NKX3-2: variants seen among roughly 807,000 people sequenced by gnomAD.
NKX3-2 encodes the protein NK3 homeobox 2, also known as homeobox protein Nkx-3.2.
Under a neutral mutation model 19.4 loss-of-function variants are expected in NKX3-2, and 13 were observed. That is an observed-to-expected ratio of 0.67 (90% confidence interval 0.44 to 1.07). The LOEUF (loss-of-function observed/expected upper bound fraction) is 1.07, where lower values mean the gene tolerates loss of function less well. NKX3-2 is among the 50% of genes least tolerant of loss of function. The pLI, the probability that NKX3-2 is intolerant of heterozygous loss-of-function variation, is 0.00. For synonymous variants in NKX3-2, 269 were observed against 230.5 expected (o/e 1.17, Z -1.51); for missense variants, 562 against 488.2 (o/e 1.15, Z -1.42).
rs545267932 is a variant in NKX3-2 at position 13,544,490 on chromosome 4, C to T, written c.-76G>A. 3.5e-6 allele frequency: 4 copies of T among 1,128,028 alleles called. No homozygotes were observed. The highest frequency in any genetic ancestry group is 1.6e-5 in the African/African-American group (1 of 61,066). 69.9% of individuals were successfully genotyped at this position (1,128,028 alleles called of 1,614,324 possible). On this transcript the variant is annotated 5_prime_UTR_variant, in exon 1 of 2. Transcript: ENST00000382438. ...CAGCTCCGAGCGGGACAGAGAGCGC[C>T]GGCGGCCGCAGCGCGAGTGAGCTGG...
chr4:13,541,916 A>G lies in NKX3-2; in HGVS notation c.*77T>C. On this transcript the variant is annotated 3_prime_UTR_variant, in exon 2 of 2. Transcript: ENST00000382438. ...GCCTCCTTGGCGGGGCGCCCCGTGC[A>G]GGCTACAGCCTACAGCTGTCAGCGC... 7.2e-6 allele frequency: 11 copies of G among 1,534,006 alleles called. No homozygotes were observed. The highest frequency in any genetic ancestry group is 9.7e-6 in the Non-Finnish European group (11 of 1,137,466).
upstream of NKX3-2, chr4:13,547,024 A>G (rs1718146872): frequency 2.2e-6 from 1 of 456,196 alleles, no homozygotes; most frequent in African/African-American, 2.0e-5. Context: ...TTAGTCGATC[A>G]TTAGGTCTGT....
chr4:13,544,732 G>C (rs946656410), upstream of NKX3-2: 1 of 189,212 alleles, frequency 5.3e-6, no homozygotes, highest in Admixed American at 6.1e-5. Flanking sequence ...CTGCCCCCTC[G>C]GGGGACGTGA....
At chr4:13,544,971 C>T (rs915308930), upstream of NKX3-2, 7 of 152,190 alleles carry the variant, frequency 4.6e-5, no homozygotes, top group African/African-American at 1.4e-4. Flanking sequence ...GCGCGGGGAA[C>T]TTTTTTACCC....
upstream of NKX3-2, among the ~76,000 whole-genome samples, chr4:13,545,327 T>A (rs2109006565): frequency 6.6e-6 from 1 of 152,348 alleles, no homozygotes; most frequent in East Asian, 1.9e-4. Context: ...TCCAGCGCTT[T>A]AACAGAACAC....
rs754091130 is a variant in NKX3-2, at chr4:13,544,161, G to A, written c.254C>T (p.Ala85Val). ...CGAGTCCCAGCCTTCCGGGCTCTCC[G>A]CAGTCCGCCCCGCAGCTGTTCTGGT... The part of the protein sequence containing the change: ...AGTRTAAGRT[A>V]ESPEGWDSDS... Residue 85 changes from alanine (A) to valine (V), a missense_variant, in exon 1 of 2, where the codon GCG becomes GTG. Physicochemically the swap from Ala to Val is moderately conservative, Grantham distance 64 (BLOSUM62 0). Transcript: ENST00000382438. 5 of 1,605,548 alleles carry A rather than the reference G, an allele frequency of 3.1e-6. No homozygotes were observed. The highest frequency in any genetic ancestry group is 4.2e-6 in the Non-Finnish European group (5 of 1,178,890).
In NKX3-2 at chr4:13,543,888, TG is replaced by T; in HGVS notation, c.466+60del. Reference sequence around the variant, plus strand: ...CTCAAGCCGACCACCCCACTCGGCGTGGTTGCCCTCCGCGTCCATCCCCTCA... The same window carrying T: ...CTCAAGCCGACCACCCCACTCGGCGTGTTGCCCTCCGCGTCCATCCCCTCA... On this transcript the variant is annotated intron_variant, in intron 1 of 1. Coordinates refer to ENST00000382438, the MANE Select transcript of NKX3-2 (RefSeq NM_001189.4). The surrounding 1 kb of genome is among the most constrained non-coding windows in gnomAD (Gnocchi z 7.1). The T allele has an allele frequency of 1.4e-6, 2 of 1,401,812 alleles. No homozygotes were observed. Among genetic ancestry groups the T allele is most frequent in the African/African-American group, 3.0e-5 (2 of 66,714 alleles). The allele number at this position is 1,401,812 out of a possible 1,614,324, so 86.8% of individuals were successfully genotyped here. A position where few individuals can be genotyped will look rare whatever the true frequency, so the allele number is the denominator to read the frequency against.
At chr4:13,547,592 TTCC>T (rs1345118305), upstream of NKX3-2, 1 of 187,858 alleles carries the variant, frequency 5.3e-6, no homozygotes, top group Non-Finnish European at 1.1e-5. Flanking sequence ...CTTTGTCTTC[TTCC>T]TCCTCCCTCC....
At chr4:13,547,181 A>C (rs1287192554), upstream of NKX3-2, 1 of 456,214 alleles carries the variant, frequency 2.2e-6, no homozygotes, top group African/African-American at 2.0e-5. Flanking sequence ...GTATGCCCAG[A>C]GATATCCCGG....
Position 13,544,017 on chromosome 4 carries a change from G to T in NKX3-2, c.398C>A (p.Ala133Asp), listed in dbSNP as rs1351897433. 1 of 1,564,552 alleles carries T rather than the reference G, an allele frequency of 6.4e-7. No homozygotes were observed. The highest frequency in any genetic ancestry group is 8.6e-7 in the Non-Finnish European group (1 of 1,157,812). ...TTCCTCCTCTAGGTCTTTGGAAGCG[G>T]CCAGCTCACAGACCGGCTGGCCGAG... ...LSLGQPVCELAASKDLEEEAA... is the reference protein window; with the variant it reads ...LSLGQPVCELDASKDLEEEAA... Residue 133 changes from alanine (A) to aspartate (D), a missense_variant, in exon 1 of 2, where the codon GCC becomes GAC. Physicochemically the swap from Ala to Asp is moderately radical, Grantham distance 126. Coordinates refer to ENST00000382438, the MANE Select transcript of NKX3-2 (RefSeq NM_001189.4).
In NKX3-2 at chr4:13,542,020, G is replaced by A; in HGVS notation, c.975C>T (p.Thr325=). Residue 325 remains threonine (T), a synonymous_variant, in exon 2 of 2, where the codon ACC becomes ACT. Transcript: ENST00000382438. The surrounding 1 kb of genome is among the most constrained non-coding windows in gnomAD (Gnocchi z 6.4). The stretch of plus-strand genomic sequence containing the variant: ...ACTGGGTGCCTGCGGCAGCTGCGCA[G>A]GTGGAGAGCGCCCAGCCTGGGAGGC... The part of the protein sequence containing the change: ...YYCLPGWALS[T]CAAAAGTQ 6.3e-7 allele frequency: 1 copy of A among 1,595,452 alleles called. No individual in the cohort carries two copies. Among genetic ancestry groups the A allele is most frequent in the Non-Finnish European group, 8.5e-7 (1 of 1,171,750 alleles).
Position 13,542,446 on chromosome 4 carries a change from G to A in NKX3-2, c.549C>T (p.Gly183=), listed in dbSNP as rs762348863. Residue 183 remains glycine (G), a synonymous_variant, in exon 2 of 2, where the codon GGC becomes GGT. Coordinates refer to ENST00000382438, the MANE Select transcript of NKX3-2 (RefSeq NM_001189.4). The surrounding 1 kb of genome is among the most constrained non-coding windows in gnomAD (Gnocchi z 6.4). The part of the protein sequence containing the change: ...HVSALCSGAG[G]GGGSGPAGVA... ...CGCCTGCCGGCCCGCTGCCGCCCCC[G>A]CCGCCGGCCCCGCTGCACAGCGCGG... The A allele has an allele frequency of 1.9e-6, 3 of 1,570,238 alleles. No individual in the cohort carries two copies. The highest frequency in any genetic ancestry group is 1.4e-5 in the African/African-American group (1 of 73,432).
chr4:13,542,420 A>C lies in NKX3-2; in HGVS notation c.575T>G (p.Val192Gly). Reference sequence around the variant, plus strand: ...CGCCGGCTCCTCCTCCTCCTCCGCGACGCCTGCCGGCCCGCTGCCGCCCCC... The same window carrying C: ...CGCCGGCTCCTCCTCCTCCTCCGCGCCGCCTGCCGGCCCGCTGCCGCCCCC... ...GGGGGSGPAG[V>G]AEEEEEPAAP... is the part of the protein sequence containing the mutation. The change falls in exon 2 of 2, where the codon GTC becomes GGC. Residue 192 changes from valine (V) to glycine (G), a missense_variant. Coordinates refer to ENST00000382438, the MANE Select transcript of NKX3-2 (RefSeq NM_001189.4). The surrounding 1 kb of genome is among the most constrained non-coding windows in gnomAD (Gnocchi z 6.4). 2 of 1,533,596 alleles carry C rather than the reference A, an allele frequency of 1.3e-6. No individual in the cohort carries two copies. Among genetic ancestry groups the C allele is most frequent in the Non-Finnish European group, 1.7e-6 (2 of 1,146,782 alleles). 95.0% of individuals were successfully genotyped at this position (1,533,596 alleles called of 1,614,324 possible). A position where few individuals can be genotyped will look rare whatever the true frequency, so the allele number is the denominator to read the frequency against.
At position 13,542,024 on chromosome 4, in the gene NKX3-2, G is replaced by A; in HGVS notation, c.971C>T (p.Ser324Phe). ...GGTGCCTGCGGCAGCTGCGCAGGTGGAGAGCGCCCAGCCTGGGAGGCAGTA... is the reference window on the plus strand; with the variant it reads ...GGTGCCTGCGGCAGCTGCGCAGGTGAAGAGCGCCCAGCCTGGGAGGCAGTA... ...PYYCLPGWAL[S>F]TCAAAAGTQ is the part of the protein sequence containing the mutation. The change falls in exon 2 of 2, where the codon TCC becomes TTC. Residue 324 changes from serine to phenylalanine, a missense_variant. Ser to Phe is a radical substitution (Grantham distance 155). Transcript: ENST00000382438. This position sits in a 1 kb window ranked among gnomAD's most constrained non-coding sequence, Gnocchi z 6.4. The A allele has an allele frequency of 6.3e-7, 1 of 1,596,682 alleles. No homozygotes were observed. The highest frequency in any genetic ancestry group is 8.5e-7 in the Non-Finnish European group (1 of 1,172,326).
rs1410031689 is a variant in NKX3-2, at chr4:13,544,370, C to T, written c.45G>A (p.Gln15=). ...GANTLTSFSI[Q]AILNKKEERG... is the part of the protein sequence containing the mutation. Reference sequence around the variant, plus strand: ...GCTCCTCTTTCTTGTTGAGGATCGCCTGGATGGAGAAGGACGTCAAGGTGT... The same window carrying T: ...GCTCCTCTTTCTTGTTGAGGATCGCTTGGATGGAGAAGGACGTCAAGGTGT... Residue 15 remains glutamine (Q), a synonymous_variant, in exon 1 of 2, where the codon CAG becomes CAA. Coordinates refer to ENST00000382438, the MANE Select transcript of NKX3-2 (RefSeq NM_001189.4). 1.9e-6 allele frequency: 3 copies of T among 1,551,656 alleles called. No individual in the cohort carries two copies. The highest frequency in any genetic ancestry group is 2.5e-5 in the East Asian group (1 of 40,736).
At position 13,542,272 on chromosome 4, in the gene NKX3-2, C is replaced by A; in HGVS notation, c.723G>T (p.Ala241=). ...CCTGCGTCTCGGTGAGCTTCAGCGACGCGGCCAGGTCTGCGCGCTCGGGCC... is the reference window on the plus strand; with the variant it reads ...CCTGCGTCTCGGTGAGCTTCAGCGAAGCGGCCAGGTCTGCGCGCTCGGGCC... ...LSGPERADLA[A]SLKLTETQVK... The change falls in exon 2 of 2, where the codon GCG becomes GCT. Residue 241 remains alanine (A), a synonymous_variant. Transcript: ENST00000382438. This position sits in a 1 kb window ranked among gnomAD's most constrained non-coding sequence, Gnocchi z 6.4. 1 of 1,610,542 alleles carries A rather than the reference C, an allele frequency of 6.2e-7. No homozygotes were observed. The highest frequency in any genetic ancestry group is 8.5e-7 in the Non-Finnish European group (1 of 1,179,148).
chr4:13,542,310 G>C lies in NKX3-2; in HGVS notation c.685C>G (p.Arg229Gly), dbSNP rs746138458. 6.2e-7 allele frequency: 1 copy of C among 1,601,278 alleles called. No homozygotes were observed. Among genetic ancestry groups the C allele is most frequent in the Non-Finnish European group, 8.5e-7 (1 of 1,175,252 alleles). Reference protein sequence around the residue: ...FELERRFNHQRYLSGPERADL... With the variant: ...FELERRFNHQGYLSGPERADL... ...GCGCGCTCGGGCCCGGACAGGTAGC[G>C]CTGGTGGTTAAAGCGGCGCTCCAGC... is the stretch of plus-strand genomic sequence containing the variant. Residue 229 changes from arginine to glycine, a missense_variant, in exon 2 of 2, where the codon CGC becomes GGC. By Grantham distance (125) the Arg-to-Gly change is moderately radical (BLOSUM62 -2). Transcript: ENST00000382438. This position sits in a 1 kb window ranked among gnomAD's most constrained non-coding sequence, Gnocchi z 6.4.
chr4:13,545,154 G>C (rs1176049158), upstream of NKX3-2: 1 of 152,424 alleles, frequency 6.6e-6, no homozygotes, highest in African/African-American at 2.4e-5. Flanking sequence ...CCAGTTGGGC[G>C]ACGTTGACTT....
Position 13,544,111 on chromosome 4 carries a change from C to G in NKX3-2, c.304G>C (p.Glu102Gln), listed in dbSNP as rs1329773623. 3.8e-6 allele frequency: 6 copies of G among 1,599,660 alleles called. No homozygotes were observed. The highest frequency in any genetic ancestry group is 5.1e-6 in the Non-Finnish European group (6 of 1,175,718). Residue 102 changes from glutamate to glutamine, a missense_variant, in exon 1 of 2, where the codon GAG (glutamate) becomes CAG (glutamine). Coordinates refer to ENST00000382438, the MANE Select transcript of NKX3-2 (RefSeq NM_001189.4). ...GCGTCCGCGCAGCGCCGCCTGCTCTCGTTCTCCTCGCTGAGCGCGGAGTCC... is the reference window on the plus strand; with the variant it reads ...GCGTCCGCGCAGCGCCGCCTGCTCTGGTTCTCCTCGCTGAGCGCGGAGTCC... Reference protein sequence around the residue: ...DSDSALSEENESRRRCADARG... With the variant: ...DSDSALSEENQSRRRCADARG...
Sources: allele counts gnomAD v4.1 joint callset (sites outside exome capture counted in the v4.1 genomes callset), GRCh38; gene constraint gnomAD v4.1.1; non-coding constraint Gnocchi (gnomAD v3.1); transcripts MANE v1.5; gene names NCBI Gene and HGNC (gene_info 2026-07-23, HGNC 2026-07-21).